Variants in GALNTL6 observed in about 807,000 individuals in gnomAD.
The protein encoded by GALNTL6 is polypeptide N-acetylgalactosaminyltransferase-like 6.
A neutral mutation model predicts 73.7 loss-of-function variants in GALNTL6; 46 were observed. The ratio of observed to expected loss-of-function variants is 0.62; its 90% CI spans 0.49 to 0.80. GALNTL6 has a LOEUF of 0.80. Among genes scored for constraint, GALNTL6 ranks in the 30% least tolerant of loss-of-function variants. GALNTL6 has a pLI of 0.00. For synonymous variants in GALNTL6, 259 were observed against 263.7 expected (o/e 0.98, Z 0.17); for missense variants, 604 against 755.0 (o/e 0.80, Z 2.34).
intron 5 of GALNTL6, among the ~76,000 whole-genome samples, chr4:172,419,253 GC>G (rs1425850861): frequency 6.6e-6 from 1 of 152,010 alleles, no homozygotes; most frequent in African/African-American, 2.4e-5. Context: ...TCAAACCAAG[GC>G]AACCTAGGTC....
chr4:171,958,129 C>A (rs1053403505), intron 2 of GALNTL6, among the ~76,000 whole-genome samples: 3 of 152,110 alleles, frequency 2.0e-5, no homozygotes, highest in African/African-American at 7.2e-5. Flanking sequence ...CACTGCTTTA[C>A]CTCTTCCTAG....
chr4:172,063,064 G>C (rs1440730364), intron 2 of GALNTL6, among the ~76,000 whole-genome samples: 1 of 152,194 alleles, frequency 6.6e-6, no homozygotes, highest in Non-Finnish European at 1.5e-5. Flanking sequence ...GTAAGTCTAA[G>C]AAGTTCTTGA....
chr4:171,988,693 G>A (rs553767344), intron 2 of GALNTL6, among the ~76,000 whole-genome samples: 1 of 152,158 alleles, frequency 6.6e-6, no homozygotes, highest in East Asian at 1.9e-4. Flanking sequence ...TAAGGAGAGT[G>A]TATAGGCTTT....
chr4:173,031,278 G>A (rs935735537), intron 12 of GALNTL6, among the ~76,000 whole-genome samples: 7 of 152,202 alleles, frequency 4.6e-5, no homozygotes, highest in African/African-American at 7.2e-5. Flanking sequence ...GATGTTAGCC[G>A]CTACTATACC....
chr4:172,742,912 C>G (rs995632174), intron 5 of GALNTL6, among the ~76,000 whole-genome samples: 1 of 151,994 alleles, frequency 6.6e-6, no homozygotes, highest in Non-Finnish European at 1.5e-5. Flanking sequence ...CCTCCTTACA[C>G]AGTTTACTGC....
intron 4 of GALNTL6, among the ~76,000 whole-genome samples, chr4:172,348,125 A>G (rs1741813803): frequency 6.6e-6 from 1 of 152,236 alleles, no homozygotes; most frequent in African/African-American, 2.4e-5. Flanking sequence ...TAAATATTAC[A>G]GAAGTTAAAT....
At chr4:172,493,536 C>T (rs554409736) in intron 5 of GALNTL6, among the ~76,000 whole-genome samples, 1 of 152,238 alleles carries the variant, frequency 6.6e-6, no homozygotes, top group South Asian at 2.1e-4. Context: ...ATATTTCCAA[C>T]ACTTACTTGG....
intron 9 of GALNTL6, among the ~76,000 whole-genome samples, chr4:172,948,656 G>C (rs950531328): frequency 1.4e-5 from 2 of 144,434 alleles, no homozygotes; most frequent in African/African-American, 5.1e-5. Flanking sequence ...TAAAAATAGA[G>C]ATGGGGTTTC....
At chr4:171,938,091 G>T (rs909295357) in intron 2 of GALNTL6, among the ~76,000 whole-genome samples, 4 of 152,094 alleles carry the variant, frequency 2.6e-5, no homozygotes, top group African/African-American at 9.7e-5. Context: ...TTTAGGAACA[G>T]TTGGATTTTT....
intron 10 of GALNTL6, among the ~76,000 whole-genome samples, chr4:172,980,401 G>A (rs1751014006): frequency 6.6e-6 from 1 of 152,136 alleles, no homozygotes; most frequent in African/African-American, 2.4e-5. Context: ...TATCATCACA[G>A]CCTGAAACTC....
chr4:172,205,985 A>G (rs988908778), intron 2 of GALNTL6, among the ~76,000 whole-genome samples: 1 of 152,184 alleles, frequency 6.6e-6, no homozygotes, highest in African/African-American at 2.4e-5. Context: ...ACCTACTCAG[A>G]GGTCTACCTG....
At chr4:171,905,298 A>T (rs1214253820) in intron 2 of GALNTL6, among the ~76,000 whole-genome samples, 1 of 151,998 alleles carries the variant, frequency 6.6e-6, no homozygotes. Flanking sequence ...GGATGGAGGA[A>T]GATCTACCAA....
chr4:171,981,190 A>T (rs1029790898), intron 2 of GALNTL6, among the ~76,000 whole-genome samples: 3 of 152,208 alleles, frequency 2.0e-5, no homozygotes, highest in African/African-American at 7.2e-5. Flanking sequence ...TGTAAGATAT[A>T]TATTGGTTTG....
At chr4:172,644,426 A>G (rs1188335575) in intron 5 of GALNTL6, among the ~76,000 whole-genome samples, 14 of 151,864 alleles carry the variant, frequency 9.2e-5, no homozygotes, top group African/African-American at 2.2e-4. Context: ...AGAGGTTACT[A>G]TTTTGACTTT....
chr4:172,365,737 T>A (rs1578998312), intron 5 of GALNTL6, among the ~76,000 whole-genome samples: 1 of 151,464 alleles, frequency 6.6e-6, no homozygotes, highest in Non-Finnish European at 1.5e-5. Flanking sequence ...ATGTATGTAG[T>A]GCGAGCCTCT....
intron 10 of GALNTL6, among the ~76,000 whole-genome samples, chr4:172,967,664 T>C (rs1191038425): frequency 3.9e-5 from 6 of 152,130 alleles, no homozygotes; most frequent in African/African-American, 1.2e-4. Context: ...AGAGACCACA[T>C]TGACATAACT....
rs180854528 is a variant in GALNTL6, at chr4:173,016,876, G to A, written c.1489-4600G>A. Among the ~76,000 whole-genome samples, 292 of 152,276 alleles carry A rather than the reference G, an allele frequency of 1.9e-3. 1 individual carries two copies. The highest frequency in any genetic ancestry group is 6.7e-3 in the African/African-American group (277 of 41,556). On this transcript the variant is annotated intron_variant, in intron 11 of 12. Transcript: ENST00000506823. ...CTCCACCCAAATCTCATCTTGAATT[G>A]TAGTTCCCATAATCCCCACATGTTG...
At chr4:172,376,735 G>A (rs753844875) in intron 5 of GALNTL6, among the ~76,000 whole-genome samples, 18 of 152,176 alleles carry the variant, frequency 1.2e-4, no homozygotes, top group East Asian at 1.9e-4. Flanking sequence ...ACCGCTTGGC[G>A]ATAGGCAATA....
intron 5 of GALNTL6, among the ~76,000 whole-genome samples, chr4:172,627,572 A>G (rs1739215684): frequency 6.6e-6 from 1 of 151,280 alleles, no homozygotes; most frequent in African/African-American, 2.4e-5. Context: ...TGGAATTCGT[A>G]TCAGCTCTTC....
Sources: gnomAD v4.1 joint callset for allele counts (sites outside exome capture counted in the v4.1 genomes callset) on GRCh38, gnomAD v4.1.1 for gene constraint, MANE v1.5 for transcripts, NCBI Gene and HGNC (gene_info 2026-07-23, HGNC 2026-07-21) for gene names.